Variants in FAM120C observed in about 807,000 individuals in gnomAD.
FAM120C encodes the protein constitutive coactivator of PPAR-gamma-like protein 2.
In FAM120C, 14 loss-of-function variants were observed where a neutral mutation model predicts 71.2. The ratio of observed to expected loss-of-function variants is 0.20; its 90% confidence interval spans 0.13 to 0.31. The LOEUF (loss-of-function observed/expected upper bound fraction) is 0.31, where lower values mean the gene tolerates loss of function less well. Ranked by LOEUF, FAM120C falls within the 10% of genes least tolerant of loss-of-function variation. The pLI, the probability that FAM120C is intolerant of heterozygous loss-of-function variation, is 1.00. For missense variants in FAM120C, 500 were observed against 879.0 expected, an observed-to-expected ratio of 0.57 and a Z score of 5.45; for synonymous variants, 354 against 353.2, an observed-to-expected ratio of 1.00 and a Z score of -0.03.
intron 1 of FAM120C, among the ~76,000 whole-genome samples, chrX:54,175,700 T>A (rs1964061160): frequency 9.0e-6 from 1 of 110,889 alleles, no homozygotes; most frequent in Non-Finnish European, 1.9e-5. Context: ...AATATAATAG[T>A]AGCTGGCATT....
At chrX:54,124,642 C>T (rs1017977239) in intron 9 of FAM120C, among the ~76,000 whole-genome samples, 4 of 103,012 alleles carry the variant, frequency 3.9e-5, no homozygotes, top group Non-Finnish European at 4.0e-5. Context: ...GAGATGAACC[C>T]GGTACCTCAG....
At chrX:54,170,507 T>A (rs2067282287) in intron 1 of FAM120C, among the ~76,000 whole-genome samples, 1 of 111,869 alleles carries the variant, frequency 8.9e-6, no homozygotes, top group African/African-American at 3.3e-5. Context: ...TTCTGTCACA[T>A]TTAAGAACAA....
At chrX:54,073,577 G>A (rs368125070) in intron 15 of FAM120C, among the ~76,000 whole-genome samples, 67 of 109,630 alleles carry the variant, frequency 6.1e-4, no homozygotes, top group African/African-American at 2.0e-3. Flanking sequence ...GATTACAGGC[G>A]CCCACCACCA....
chrX:54,160,682 C>T (rs2067232046), intron 1 of FAM120C, among the ~76,000 whole-genome samples: 3 of 111,419 alleles, frequency 2.7e-5, no homozygotes, highest in Non-Finnish European at 5.6e-5. Flanking sequence ...AGACCTGGTA[C>T]GTAATAGTAA....
intron 10 of FAM120C, among the ~76,000 whole-genome samples, chrX:54,107,323 C>T (rs1455384409): frequency 4.6e-5 from 5 of 108,842 alleles, no homozygotes; most frequent in Non-Finnish European, 9.5e-5. Context: ...TCTCAAACTC[C>T]TGACCTCAGG....
intron 10 of FAM120C, among the ~76,000 whole-genome samples, chrX:54,092,736 T>C (rs2066830902): frequency 8.9e-6 from 1 of 111,834 alleles, no homozygotes; most frequent in Non-Finnish European, 1.9e-5. Context: ...CTCAGGTTAT[T>C]AATATTGTTT....
Position 54,079,658 on chromosome X carries a change from G to A in FAM120C, c.3036+574C>T, listed in dbSNP as rs1056864417. On this transcript the variant is annotated intron_variant, in intron 15 of 15. Coordinates refer to ENST00000375180, the MANE Select transcript of FAM120C (RefSeq NM_017848.6). ...ACTAAAAATACAAAATTAGCCGGGC[G>A]TGGTGGTGCATGCCTATAATCCCAG... Among the ~76,000 whole-genome samples the A allele has an allele frequency of 3.6e-5, 4 of 110,862 alleles. No homozygotes were observed. In the East Asian group the frequency reaches 1.1e-3, roughly 31 times the overall value.
At chrX:54,180,000 T>C (rs1405928992) in intron 1 of FAM120C, among the ~76,000 whole-genome samples, 1 of 112,297 alleles carries the variant, frequency 8.9e-6, no homozygotes, top group East Asian at 2.8e-4. Flanking sequence ...TCTACTATTT[T>C]TACTATACCT....
chrX:54,169,381 C>T (rs1315448962), intron 1 of FAM120C, among the ~76,000 whole-genome samples: 1 of 111,622 alleles, frequency 9.0e-6, no homozygotes, highest in Non-Finnish European at 1.9e-5. Flanking sequence ...GAGATCAACT[C>T]ACAAGTAATA....
intron 9 of FAM120C, among the ~76,000 whole-genome samples, chrX:54,117,352 CTA>C (rs2146593379): frequency 1.5e-5 from 1 of 65,893 alleles, no homozygotes; most frequent in East Asian, 4.4e-4. Context: ...AATCCTGTCT[CTA>C]AAAATAAAAT....
At chrX:54,099,432 G>A (rs782628885) in intron 10 of FAM120C, among the ~76,000 whole-genome samples, 22 of 111,749 alleles carry the variant, frequency 2.0e-4, no homozygotes, top group South Asian at 3.7e-4. Context: ...CTCTCATTCT[G>A]TGGGTTGTGT....
chrX:54,128,339 G>A (rs1204118249), intron 9 of FAM120C, among the ~76,000 whole-genome samples: 1 of 112,675 alleles, frequency 8.9e-6, no homozygotes, highest in African/African-American at 3.2e-5. Flanking sequence ...GATTACAGGC[G>A]TGAGCCACTG....
At chrX:54,159,319 A>G (rs1482950485) in intron 2 of FAM120C, 51 bp downstream of exon 2, 2 of 1,199,485 alleles carry the variant, frequency 1.7e-6, no homozygotes, top group Admixed American at 4.4e-5. Flanking sequence ...ATCTCTTAAC[A>G]CCAGAAGAGG....
In FAM120C at chrX:54,157,057, A is replaced by G. The variant is rs781786515; in HGVS notation, c.1029+632T>C. On this transcript the variant is annotated intron_variant, in intron 3 of 15. Coordinates refer to ENST00000375180, the MANE Select transcript of FAM120C (RefSeq NM_017848.6). The stretch of plus-strand genomic sequence containing the variant: ...GAGTGAGACTCTGTCTCAAAAAAAA[A>G]GAAAAATCACACTGATCATTTAATT... 1.5e-4 allele frequency among the ~76,000 whole-genome samples: 16 copies of G among 110,237 alleles called. No individual in the cohort carries two copies. In the East Asian group the frequency reaches 2.6e-3, roughly 18 times the overall value.
intron 10 of FAM120C, among the ~76,000 whole-genome samples, chrX:54,115,228 A>G (rs1316377425): frequency 8.9e-6 from 1 of 112,552 alleles, no homozygotes; most frequent in East Asian, 2.8e-4. Flanking sequence ...ACACACATAC[A>G]TATCTGACAA....
intron 10 of FAM120C, among the ~76,000 whole-genome samples, chrX:54,114,418 GT>G (rs1208473190): frequency 3.7e-5 from 4 of 109,112 alleles, no homozygotes; most frequent in Admixed American, 9.9e-5. Flanking sequence ...TAAAAATAAA[GT>G]TTTTTTTTGT....
Position 54,182,755 on chromosome X carries a change from G to A in FAM120C, c.444C>T (p.Gly148=). 8.3e-7 allele frequency: 1 copy of A among 1,209,477 alleles called. No individual in the cohort carries two copies. Among genetic ancestry groups the A allele is most frequent in the Middle Eastern group, 2.3e-4 (1 of 4,339 alleles). Residue 148 remains glycine (G), a synonymous_variant, in exon 1 of 16, where the codon GGC becomes GGT. Coordinates refer to ENST00000375180, the MANE Select transcript of FAM120C (RefSeq NM_017848.6). ...AAGCCTGGCACAGCGCTGACAAGTAGCCCAGCATGGCGTTCCATTGGCCGC... is the reference window on the plus strand; with the variant it reads ...AAGCCTGGCACAGCGCTGACAAGTAACCCAGCATGGCGTTCCATTGGCCGC... ...VCGGQWNAML[G]YLSALCQACA...
intron 15 of FAM120C, among the ~76,000 whole-genome samples, chrX:54,075,121 G>A (rs1185506050): frequency 5.4e-5 from 6 of 111,867 alleles, no homozygotes; most frequent in Non-Finnish European, 1.1e-4. Context: ...TTGCACCATT[G>A]CATTCCAGCC....
chrX:54,152,907 T>C (rs1557133176), intron 3 of FAM120C, among the ~76,000 whole-genome samples: 1 of 111,301 alleles, frequency 9.0e-6, no homozygotes, highest in Non-Finnish European at 1.9e-5. Context: ...GTAAAATGTA[T>C]AGTGTAGGCT....
Sources: gnomAD v4.1 joint callset for allele counts (sites outside exome capture counted in the v4.1 genomes callset) on GRCh38, gnomAD v4.1.1 for gene constraint, MANE v1.5 for transcripts, NCBI Gene and HGNC (gene_info 2026-07-23, HGNC 2026-07-21) for gene names.